NBDY: variants seen among roughly 807,000 people sequenced by gnomAD.
NBDY encodes P-body dissociating protein.
intron 2 of NBDY, among the ~76,000 whole-genome samples, chrX:56,786,146 C>T (rs1037103439): frequency 9.1e-6 from 1 of 110,319 alleles, no homozygotes; most frequent in Non-Finnish European, 1.9e-5. Context: ...GTAGGGGGTC[C>T]TTCCCTGCTT....
Position 56,749,961 on chromosome X carries a change from G to A in NBDY, c.*166+17762G>A, listed in dbSNP as rs754242545. On this transcript the variant is annotated intron_variant, in intron 2 of 2. Transcript: ENST00000374922. ...CCTCCATGCCTGGCTGCACATTTAC[G>A]TCTTAAAATACATTATATTTTATTA... Among the ~76,000 whole-genome samples, 12 of 111,182 alleles carry A rather than the reference G, an allele frequency of 1.1e-4. No individual in the cohort carries two copies. The East Asian group carries it at 1.1e-3, about 10-fold the overall frequency.
chrX:56,737,379 A>C (rs188569110), intron 2 of NBDY: 1 of 659,903 alleles, frequency 1.5e-6, no homozygotes, highest in Non-Finnish European at 2.5e-6. Flanking sequence ...GTCAGGTCCA[A>C]TGCACTCTTA....
chrX:56,761,524 T>C (rs1185534962), intron 2 of NBDY, among the ~76,000 whole-genome samples: 1 of 113,364 alleles, frequency 8.8e-6, no homozygotes, highest in Non-Finnish European at 1.9e-5. Context: ...CCACAGAAGG[T>C]CACTCGGGTT....
chrX:56,731,256 T>C (rs1469230811), intron 1 of NBDY, among the ~76,000 whole-genome samples: 9 of 109,934 alleles, frequency 8.2e-5, no homozygotes, highest in Non-Finnish European at 1.7e-4. Flanking sequence ...AGAAAATTGC[T>C]CAGATAGAAA....
At chrX:56,780,556 A>G (rs1226164281) in intron 2 of NBDY, among the ~76,000 whole-genome samples, 4 of 42,987 alleles carry the variant, frequency 9.3e-5, no homozygotes, top group Admixed American at 5.5e-4. Context: ...GCTTGTTACA[A>G]ATCTTCCTGG....
chrX:56,765,919 T>G (rs768607512), intron 2 of NBDY, among the ~76,000 whole-genome samples: 5 of 111,593 alleles, frequency 4.5e-5, no homozygotes, highest in Non-Finnish European at 9.4e-5. Context: ...GCAGACTGCT[T>G]CTTCTTTTGC....
chrX:56,736,500 A>G (rs1193204598), intron 2 of NBDY, among the ~76,000 whole-genome samples: 1 of 111,976 alleles, frequency 8.9e-6, no homozygotes. Context: ...TCCTGACCTC[A>G]GGAGATCTGC....
chrX:56,792,933 G>T (rs1279373288), intron 2 of NBDY, among the ~76,000 whole-genome samples: 1 of 111,865 alleles, frequency 8.9e-6, no homozygotes, highest in Non-Finnish European at 1.9e-5. Context: ...GGTAGGGGCA[G>T]AGAAAGTCCC....
intron 2 of NBDY, among the ~76,000 whole-genome samples, chrX:56,814,246 T>C (rs2069900452): frequency 9.0e-6 from 1 of 110,785 alleles, no homozygotes; most frequent in Non-Finnish European, 1.9e-5. Flanking sequence ...TTTTATTGAG[T>C]TGTTTTTGAG....
At chrX:56,737,692 A>T (rs2069504142) in intron 2 of NBDY, 1 of 244,176 alleles carries the variant, frequency 4.1e-6, no homozygotes, top group Non-Finnish European at 7.2e-6. Flanking sequence ...CATTAAATAC[A>T]TAGAAAAAGT....
intron 2 of NBDY, among the ~76,000 whole-genome samples, chrX:56,802,366 C>T (rs1219423909): frequency 8.9e-6 from 1 of 112,253 alleles, no homozygotes; most frequent in Non-Finnish European, 1.9e-5. Flanking sequence ...TCTGTGATGC[C>T]ATGGGAATCT....
At chrX:56,799,690 C>T (rs1488626917) in intron 2 of NBDY, among the ~76,000 whole-genome samples, 2 of 113,154 alleles carry the variant, frequency 1.8e-5, no homozygotes, top group Non-Finnish European at 3.7e-5. Context: ...ATGGCAATCA[C>T]CCCTTTTCCT....
intron 2 of NBDY, among the ~76,000 whole-genome samples, chrX:56,765,646 T>C (rs2069661680): frequency 9.0e-6 from 1 of 110,615 alleles, no homozygotes; most frequent in African/African-American, 3.3e-5. Flanking sequence ...TCCTTCTGAT[T>C]CTTCTTCCTC....
intron 2 of NBDY, among the ~76,000 whole-genome samples, chrX:56,741,917 T>A (rs2069533872): frequency 8.9e-6 from 1 of 111,767 alleles, no homozygotes; most frequent in Admixed American, 9.5e-5. Flanking sequence ...CAGATCAATG[T>A]CCTGGAGATT....
intron 2 of NBDY, among the ~76,000 whole-genome samples, chrX:56,782,974 TACAC>T (rs911853135): frequency 8.9e-6 from 1 of 112,013 alleles, no homozygotes; most frequent in African/African-American, 3.3e-5. Context: ...CACACACAGA[TACAC>T]ACAGACACAC....
intron 2 of NBDY, among the ~76,000 whole-genome samples, chrX:56,817,082 C>A (rs1278805061): frequency 9.0e-6 from 1 of 111,039 alleles, no homozygotes; most frequent in East Asian, 2.8e-4. Flanking sequence ...TCTGGTCCAC[C>A]TAACAGATAA....
chrX:56,744,162 T>G (rs1329901310), intron 2 of NBDY, among the ~76,000 whole-genome samples: 1 of 111,806 alleles, frequency 8.9e-6, no homozygotes, highest in Non-Finnish European at 1.9e-5. Context: ...TTTATTCCAT[T>G]GTGGTCAAAG....
intron 2 of NBDY, among the ~76,000 whole-genome samples, chrX:56,757,721 G>C (rs1476998030): frequency 9.0e-6 from 1 of 110,913 alleles, no homozygotes; most frequent in African/African-American, 3.3e-5. Flanking sequence ...GAGGAGAAAG[G>C]GAGCGGGGAA....
chrX:56,787,728 T>A (rs1602662358), intron 2 of NBDY, among the ~76,000 whole-genome samples: 1 of 112,131 alleles, frequency 8.9e-6, no homozygotes, highest in East Asian at 2.8e-4. Flanking sequence ...TGTGCCACCC[T>A]CCTCTCACCC....
Sources: gnomAD v4.1 joint callset for allele counts (sites outside exome capture counted in the v4.1 genomes callset) on GRCh38, gnomAD v4.1.1 for gene constraint, MANE v1.5 for transcripts, NCBI Gene and HGNC (gene_info 2026-07-23, HGNC 2026-07-21) for gene names.